The following IRAG1 variants were observed in gnomAD, a reference collection of about 807,000 sequenced individuals.
The protein encoded by IRAG1 is inositol 1,4,5-triphosphate receptor associated 1, also known as IP3R-associated cGMP kinase substrate.
Under a neutral mutation model 106.2 loss-of-function variants are expected in IRAG1, and 62 were observed. That is an observed-to-expected ratio of 0.58 (90% confidence interval 0.48 to 0.72). The LOEUF (loss-of-function observed/expected upper bound fraction) is 0.72. Ranked by LOEUF, IRAG1 falls within the 30% of genes least tolerant of loss-of-function variation. The pLI, the probability that IRAG1 is intolerant of heterozygous loss-of-function variation, is 0.00. For synonymous variants in IRAG1, 462 were observed against 443.9 expected (o/e 1.04, Z -0.51); for missense variants, 1,064 against 1,140.7 (o/e 0.93, Z 0.97).
At chr11:10,579,301 A>G (rs557822129) in intron 20 of IRAG1, among the ~76,000 whole-genome samples, 1 of 152,172 alleles carries the variant, frequency 6.6e-6, no homozygotes, top group East Asian at 1.9e-4. Context: ...TCTTCACTTC[A>G]TTACCTATTT....
chr11:10,682,575 G>T (rs1299976565), intron 1 of IRAG1, among the ~76,000 whole-genome samples: 1 of 152,108 alleles, frequency 6.6e-6, no homozygotes, highest in African/African-American at 2.4e-5. Flanking sequence ...ATAACTGCAA[G>T]GAAATGGGGC....
At position 10,600,920 on chromosome 11, in the gene IRAG1, G is replaced by A; in HGVS notation, c.2015C>T (p.Ser672Phe). 5.0e-6 allele frequency: 8 copies of A among 1,614,066 alleles called. No individual in the cohort carries two copies. The South Asian group carries it at 8.8e-5, about 18-fold the overall frequency. ...NQNSSRSCGP[S>F]EDGVPRTARS... ...GGGGCAGGAGCCTAGGTCCTTACCAGAGGGGCCACAGCTGCGGCTTGAATT... is the reference window on the plus strand; with the variant it reads ...GGGGCAGGAGCCTAGGTCCTTACCAAAGGGGCCACAGCTGCGGCTTGAATT... Residue 672 changes from serine (S) to phenylalanine (F), a missense_variant and splice_region_variant, in exon 15 of 21, where the codon TCT becomes TTT. Transcript: ENST00000423302.
At chr11:10,692,208 CAT>C (rs370219787) in intron 1 of IRAG1, among the ~76,000 whole-genome samples, 6 of 151,670 alleles carry the variant, frequency 4.0e-5, no homozygotes, top group Non-Finnish European at 7.4e-5. Context: ...CACACACACA[CAT>C]ACACGCACTA....
chr11:10,606,911 C>T (rs948700862), intron 11 of IRAG1, 139 bp from the exon 12 acceptor site: 8 of 686,318 alleles, frequency 1.2e-5, no homozygotes, highest in African/African-American at 5.5e-5. Flanking sequence ...TGCAATGTCC[C>T]CTTGCCTGTG....
chr11:10,627,175 G>A (rs562927699), intron 8 of IRAG1, among the ~76,000 whole-genome samples: 7 of 152,170 alleles, frequency 4.6e-5, no homozygotes, highest in Non-Finnish European at 1.0e-4. Context: ...GGGTCTGGGG[G>A]TCTGTGTGGC....
chr11:10,636,107 C>T (rs953485278), intron 2 of IRAG1, among the ~76,000 whole-genome samples: 4 of 152,206 alleles, frequency 2.6e-5, no homozygotes, highest in African/African-American at 4.8e-5. Context: ...TTTAACCTCT[C>T]TATGATCCAT....
chr11:10,667,730 C>T lies in IRAG1; in HGVS notation c.68-15548G>A, dbSNP rs117031137. Among the ~76,000 whole-genome samples, 241 of 152,300 alleles carry T rather than the reference C, an allele frequency of 1.6e-3. 2 individuals carry two copies. The East Asian group carries it at 0.032, about 20-fold the overall frequency. ...AAACATTTCAATGGCTTTCTGTGTG[C>T]TGACTCCCAAGTCTGGCTGCTTACT... On this transcript the variant is annotated intron_variant, in intron 1 of 20. Transcript: ENST00000423302.
At chr11:10,684,347 T>C (rs1164515496) in intron 1 of IRAG1, among the ~76,000 whole-genome samples, 1 of 151,894 alleles carries the variant, frequency 6.6e-6, no homozygotes, top group African/African-American at 2.4e-5. Context: ...CTCAGTAAAC[T>C]ATTGCAAGGA....
At chr11:10,580,916 A>G (rs931040364) in intron 19 of IRAG1, among the ~76,000 whole-genome samples, 50 of 152,172 alleles carry the variant, frequency 3.3e-4, no homozygotes, top group African/African-American at 1.1e-3. Context: ...TCTCCATGTG[A>G]CCGTGGAGCT....
At chr11:10,626,620 C>T (rs1398436604) in intron 8 of IRAG1, 37 bp from the exon 9 acceptor site, 1 of 1,551,728 alleles carries the variant, frequency 6.4e-7, no homozygotes, top group Non-Finnish European at 8.7e-7. Flanking sequence ...CCCTCGGGGG[C>T]AGGTTGAGGG....
intron 11 of IRAG1, among the ~76,000 whole-genome samples, chr11:10,607,657 A>G (rs1346165111): frequency 7.8e-6 from 1 of 128,118 alleles, no homozygotes; most frequent in Non-Finnish European, 1.8e-5. Flanking sequence ...ACTTGGCAAC[A>G]GAGCATGCCA....
chr11:10,644,040 G>C (rs966860502), intron 2 of IRAG1, among the ~76,000 whole-genome samples: 1 of 152,200 alleles, frequency 6.6e-6, no homozygotes, highest in Non-Finnish European at 1.5e-5. Flanking sequence ...AGAACCACTA[G>C]AGGCCAGCCT....
chr11:10,589,416 C>T (rs944300152), intron 18 of IRAG1, among the ~76,000 whole-genome samples: 11 of 152,102 alleles, frequency 7.2e-5, no homozygotes, highest in African/African-American at 2.4e-4. Flanking sequence ...AAATTTTCCA[C>T]TTTATATTTA....
Position 10,576,360 on chromosome 11 carries a change from A to G in IRAG1, c.2711T>C (p.Leu904Pro). Residue 904 changes from leucine (L) to proline (P), a missense_variant, in exon 21 of 21, where the codon CTC (leucine) becomes CCC (proline). Leu to Pro is a moderately conservative substitution (Grantham distance 98). Coordinates refer to ENST00000423302, the MANE Select transcript of IRAG1 (RefSeq NM_130385.4). ...AQRDSWWSSG[L>P]QHEQPTEQ ...CTGCTCTGTAGGCTGCTCATGCTGG[A>G]GTCCTGAGCTCCACCAGGAGTCCCT... 1 of 1,613,916 alleles carries G rather than the reference A, an allele frequency of 6.2e-7. No individual in the cohort carries two copies. Among genetic ancestry groups the G allele is most frequent in the African/African-American group, 1.3e-5 (1 of 75,036 alleles).
At chr11:10,587,212 G>T (rs1395338359) in intron 18 of IRAG1, among the ~76,000 whole-genome samples, 1 of 152,236 alleles carries the variant, frequency 6.6e-6, no homozygotes, top group Non-Finnish European at 1.5e-5. Flanking sequence ...TCTCAGTAAT[G>T]TGAAGAACTA....
Position 10,593,619 on chromosome 11 carries a change from C to T in IRAG1, c.2068-20G>A, listed in dbSNP as rs368115184. 249 of 1,580,008 alleles carry T rather than the reference C, an allele frequency of 1.6e-4. No individual in the cohort carries two copies. Among genetic ancestry groups the T allele is most frequent in the Non-Finnish European group, 2.1e-4 (242 of 1,149,670 alleles). ...CATATTCTGCAGGAAGAGAAGTGAC[C>T]AGGCTCACTGTCTTGGAGGTAGCAA... On this transcript the variant is annotated intron_variant, in intron 16 of 20. Transcript: ENST00000423302.
intron 8 of IRAG1, among the ~76,000 whole-genome samples, chr11:10,627,416 G>C (rs1377271141): frequency 6.6e-6 from 1 of 152,158 alleles, no homozygotes; most frequent in Non-Finnish European, 1.5e-5. Flanking sequence ...GCTGACAGGA[G>C]CCACAGTCTC....
At chr11:10,633,180 T>C (rs891215010) in intron 3 of IRAG1, among the ~76,000 whole-genome samples, 19 of 151,038 alleles carry the variant, frequency 1.3e-4, no homozygotes, top group Non-Finnish European at 1.6e-4. Flanking sequence ...GTTCACGCCA[T>C]TCTCCTGCCT....
rs753899561 is a variant in IRAG1, at chr11:10,606,762, G to A, written c.1582C>T (p.Leu528Phe). The change falls in exon 12 of 21, where the codon CTC becomes TTC. Residue 528 changes from leucine (L) to phenylalanine (F), a missense_variant. Coordinates refer to ENST00000423302, the MANE Select transcript of IRAG1 (RefSeq NM_130385.4). ...CTTACCTCAACTTCCTTTTCAGTGA[G>A]TGGAGGGGCACTGTGAAAAAGAAAA... ...HRSLPGSAPPLTEKEVENVFV... is the reference protein window; with the variant it reads ...HRSLPGSAPPFTEKEVENVFV... 13 of 1,592,398 alleles carry A rather than the reference G, an allele frequency of 8.2e-6. No homozygotes were observed. The highest frequency in any genetic ancestry group is 1.0e-5 in the Non-Finnish European group (12 of 1,168,552).
Sources: allele counts gnomAD v4.1 joint callset (sites outside exome capture counted in the v4.1 genomes callset), GRCh38; gene constraint gnomAD v4.1.1; transcripts MANE v1.5; gene names NCBI Gene and HGNC (gene_info 2026-07-23, HGNC 2026-07-21).